Variants in ALMS1 observed in about 807,000 individuals in gnomAD.
ALMS1 encodes centrosome-associated protein ALMS1.
Under a neutral mutation model 352.2 loss-of-function variants are expected in ALMS1, and 271 were observed. The observed-to-expected ratio is 0.77, with a 90% CI of 0.70 to 0.85. ALMS1 has a LOEUF of 0.85. Ranked by LOEUF, ALMS1 falls within the 40% of genes least tolerant of loss-of-function variation. The pLI is 0.00. For missense variants in ALMS1, 5,445 were observed against 4,870.7 expected (o/e 1.12, Z -3.51); for synonymous variants, 1,865 against 1,761.2 (o/e 1.06, Z -1.48).
intron 9 of ALMS1, among the ~76,000 whole-genome samples, chr2:73,480,688 A>C (rs1301647643): frequency 6.6e-6 from 1 of 150,474 alleles, no homozygotes. Context: ...TTACAGTCCC[A>C]CCAACAGTGT....
In ALMS1 at chr2:73,489,747, A is replaced by C. The variant is rs752127434; in HGVS notation, c.7788A>C (p.Gln2596His). 11 of 1,614,060 alleles carry C rather than the reference A, an allele frequency of 6.8e-6. No homozygotes were observed. In the Admixed American group the frequency reaches 8.3e-5, roughly 12 times the overall value. ...CFRTLTSEHP[Q>H]LDRHPCAFRS... ...GGACTCTAACTTCTGAACATCCACAACTAGATAGACACCCTTGTGCTTTCA... is the reference window on the plus strand; with the variant it reads ...GGACTCTAACTTCTGAACATCCACACCTAGATAGACACCCTTGTGCTTTCA... The change falls in exon 10 of 23, where the codon CAA becomes CAC. Residue 2596 changes from glutamine to histidine, a missense_variant. By Grantham distance (24) the Gln-to-His change is conservative (BLOSUM62 0). Transcript: ENST00000613296.
At chr2:73,508,980 CT>C (rs767127166) in intron 10 of ALMS1, among the ~76,000 whole-genome samples, 5 of 151,974 alleles carry the variant, frequency 3.3e-5, no homozygotes, top group Non-Finnish European at 5.9e-5. Context: ...ATGTAATGCT[CT>C]TCTTTGTCTT....
At chr2:73,433,979 T>C (rs7599369) in intron 7 of ALMS1, among the ~76,000 whole-genome samples, 6,704 of 152,242 alleles carry the variant, frequency 0.044, 368 homozygotes, top group African/African-American at 0.11. Flanking sequence ...TTTTAGTAAC[T>C]TAAGTTTTCC....
Position 73,600,737 on chromosome 2 carries a change from C to G in ALMS1, c.11728C>G (p.Pro3910Ala), listed in dbSNP as rs761099182. The G allele has an allele frequency of 4.3e-6, 7 of 1,614,004 alleles. No individual in the cohort carries two copies. The African/African-American group carries it at 6.7e-5, about 15-fold the overall frequency. The part of the protein sequence containing the change: ...KHTRDVGITF[P>A]TPSSSEAKLE... ...CACTCGAGATGTTGGGATAACTTTC[C>G]CAACTCCAAGTTCCAGCGAGGCTAA... is the stretch of plus-strand genomic sequence containing the variant. The change falls in exon 18 of 23, where the codon CCA (proline) becomes GCA (alanine). Residue 3910 changes from proline to alanine, a missense_variant. Physicochemically the swap from Pro to Ala is conservative, Grantham distance 27. Coordinates refer to ENST00000613296, the MANE Select transcript of ALMS1 (RefSeq NM_001378454.1).
At chr2:73,470,189 T>G (rs1672439945) in intron 9 of ALMS1, 1 of 151,844 alleles carries the variant, frequency 6.6e-6, no homozygotes, top group South Asian at 2.1e-4. Context: ...TATTTTTTAT[T>G]TCTGCTCTAA....
chr2:73,529,701 A>G (rs538582018), intron 11 of ALMS1, among the ~76,000 whole-genome samples: 53 of 152,256 alleles, frequency 3.5e-4, no homozygotes, highest in African/African-American at 1.2e-3. Context: ...TGGAGGTTGT[A>G]TTAGTCCATT....
intron 15 of ALMS1, among the ~76,000 whole-genome samples, chr2:73,568,977 T>A: frequency 6.8e-6 from 1 of 148,066 alleles, no homozygotes; most frequent in South Asian, 2.2e-4. Context: ...TTCAGCTTGC[T>A]TGCTGCTGCT....
At chr2:73,522,187 C>T (rs867251462) in intron 11 of ALMS1, among the ~76,000 whole-genome samples, 5 of 152,146 alleles carry the variant, frequency 3.3e-5, no homozygotes, top group African/African-American at 1.2e-4. Context: ...TCAGGTCCAT[C>T]GCCATGTGAT....
rs1054079379 is a variant in ALMS1, at chr2:73,391,468, T to C, written c.324+5276T>C. ...GCCACCACGCCCGGCTATTATTTTG[T>C]ATTTTTAGTAGAGACGGGGTTTCAC... On this transcript the variant is annotated intron_variant, in intron 1 of 22. Coordinates refer to ENST00000613296, the MANE Select transcript of ALMS1 (RefSeq NM_001378454.1). Among the ~76,000 whole-genome samples the C allele has an allele frequency of 7.2e-5, 11 of 152,026 alleles. No homozygotes were observed. In the South Asian group the frequency reaches 8.3e-4, roughly 11 times the overall value.
intron 9 of ALMS1, among the ~76,000 whole-genome samples, chr2:73,479,235 TC>T (rs933041057): frequency 1.3e-5 from 2 of 152,166 alleles, no homozygotes; most frequent in Non-Finnish European, 2.9e-5. Context: ...TCACCCAATT[TC>T]CCCAAGTGGT....
intron 9 of ALMS1, among the ~76,000 whole-genome samples, chr2:73,464,702 G>T (rs968204195): frequency 2.0e-5 from 3 of 152,126 alleles, no homozygotes; most frequent in African/African-American, 7.2e-5. Context: ...AAACCCCGTT[G>T]TCTCAGCCCA....
intron 1 of ALMS1, among the ~76,000 whole-genome samples, chr2:73,405,556 T>C (rs1422155646): frequency 6.6e-6 from 1 of 152,028 alleles, no homozygotes; most frequent in Non-Finnish European, 1.5e-5. Context: ...TTTTTCCTAC[T>C]GTTTTTCTAT....
intron 9 of ALMS1, among the ~76,000 whole-genome samples, chr2:73,471,900 A>G (rs762925392): frequency 4.6e-5 from 7 of 151,974 alleles, no homozygotes; most frequent in Non-Finnish European, 8.8e-5. Flanking sequence ...AGGAGATCCC[A>G]TGTTCACAAT....
intron 21 of ALMS1, among the ~76,000 whole-genome samples, chr2:73,605,909 C>T (rs1332477677): frequency 1.3e-5 from 2 of 151,746 alleles, no homozygotes; most frequent in African/African-American, 2.4e-5. Flanking sequence ...CAAAGAAGAT[C>T]AAGAGTTACC....
intron 9 of ALMS1, chr2:73,456,844 CAT>C (rs1672076757): frequency 6.6e-6 from 1 of 152,148 alleles, no homozygotes; most frequent in Non-Finnish European, 1.5e-5. Flanking sequence ...TTTAAAATTA[CAT>C]AGTTTTCTCA....
intron 7 of ALMS1, among the ~76,000 whole-genome samples, chr2:73,439,870 T>G (rs943813987): frequency 5.9e-5 from 9 of 152,258 alleles, no homozygotes; most frequent in Non-Finnish European, 1.3e-4. Flanking sequence ...TGGTCTATTA[T>G]GCCTTAAGTC....
chr2:73,490,858 G>C lies in ALMS1; in HGVS notation c.8899G>C (p.Glu2967Gln), dbSNP rs561233377. 1 of 1,613,796 alleles carries C rather than the reference G, an allele frequency of 6.2e-7. No homozygotes were observed. Among genetic ancestry groups the C allele is most frequent in the South Asian group, 1.1e-5 (1 of 91,066 alleles). ...AGACCTTCCGTCTCCCATTTCTCTT[G>C]AACAATGCCAAAGCAAAGCGCCAGG... is the stretch of plus-strand genomic sequence containing the variant. ...ASDLPSPISL[E>Q]QCQSKAPGVD... Residue 2967 changes from glutamate (E) to glutamine (Q), a missense_variant, in exon 10 of 23, where the codon GAA becomes CAA. Transcript: ENST00000613296.
intron 2 of ALMS1, among the ~76,000 whole-genome samples, chr2:73,412,748 A>G (rs763296460): frequency 2.6e-4 from 40 of 152,270 alleles, no homozygotes; most frequent in Non-Finnish European, 3.2e-4. Flanking sequence ...GTGAGTCAGG[A>G]TGGCGCCAGT....
In ALMS1 at chr2:73,489,676, G is replaced by A. The variant is rs1390569456; in HGVS notation, c.7717G>A (p.Val2573Ile). ...PRGMGCKPEA[V>I]CSHIIIESHE... is the part of the protein sequence containing the mutation. ...GGGAATGGGATGCAAGCCAGAAGCT[G>A]TATGTAGTCACATTATTATTGAGAG... The change falls in exon 10 of 23, where the codon GTA becomes ATA. Residue 2573 changes from valine to isoleucine, a missense_variant. Val to Ile is a conservative substitution (Grantham distance 29, BLOSUM62 3). Coordinates refer to ENST00000613296, the MANE Select transcript of ALMS1 (RefSeq NM_001378454.1). The A allele has an allele frequency of 6.2e-7, 1 of 1,614,016 alleles. No individual in the cohort carries two copies. The highest frequency in any genetic ancestry group is 8.5e-7 in the Non-Finnish European group (1 of 1,180,046).
Sources: allele counts gnomAD v4.1 joint callset (sites outside exome capture counted in the v4.1 genomes callset), GRCh38; gene constraint gnomAD v4.1.1; transcripts MANE v1.5; gene names NCBI Gene and HGNC (gene_info 2026-07-23, HGNC 2026-07-21).